Variants in CLCN3 observed in about 807,000 individuals in gnomAD.
CLCN3 encodes the protein Cl-/H+ antiporter 3.
A neutral mutation model predicts 83.4 loss-of-function variants in CLCN3; 16 were observed. The ratio of observed to expected loss-of-function variants is 0.19; its 90% CI spans 0.13 to 0.29. CLCN3 has a LOEUF of 0.29. Ranked by LOEUF, CLCN3 falls within the 10% of genes least tolerant of loss-of-function variation. The pLI is 1.00. For synonymous variants in CLCN3, 322 were observed against 346.2 expected (o/e 0.93, Z 0.78); for missense variants, 544 against 1,006.0 (o/e 0.54, Z 6.21).
chr4:169,668,043 A>ATTTTTTTTTTTTTTTTTTTTTTT (rs60739106), intron 2 of CLCN3, among the ~76,000 whole-genome samples: 1 of 82,338 alleles, frequency 1.2e-5, no homozygotes, highest in African/African-American at 4.7e-5. Context: ...CCGGCCAGAC[A>ATTTTTTTTTTTTTTTTTTTTTTT]TTTTTTTTTT....
In CLCN3 at chr4:169,689,039, A is replaced by T. The variant is rs1732265539; in HGVS notation, c.419-4A>T. On this transcript the variant is annotated splice_polypyrimidine_tract_variant and splice_region_variant and intron_variant, in intron 4 of 12. Transcript: ENST00000513761. ...TTTTTACCATCTCCAACATGTTTTT[A>T]TAGGGGCACTGGCCGGATTAATAGA... The T allele has an allele frequency of 6.2e-7, 1 of 1,603,396 alleles. No individual in the cohort carries two copies. The highest frequency in any genetic ancestry group is 8.5e-7 in the Non-Finnish European group (1 of 1,177,082).
intron 1 of CLCN3, among the ~76,000 whole-genome samples, chr4:169,624,520 C>T (rs1773183978): frequency 6.6e-6 from 1 of 152,222 alleles, no homozygotes; most frequent in South Asian, 2.1e-4. Context: ...CTGCCCACCT[C>T]GGCATCCCAA....
chr4:169,687,296 C>A (rs1484275493), intron 3 of CLCN3, among the ~76,000 whole-genome samples: 1 of 152,106 alleles, frequency 6.6e-6, no homozygotes, highest in Admixed American at 6.6e-5. Flanking sequence ...AAATGCAGAT[C>A]TTGGCTGGGC....
chr4:169,710,396 G>C (rs1051740511), intron 11 of CLCN3, among the ~76,000 whole-genome samples: 1 of 152,118 alleles, frequency 6.6e-6, no homozygotes, highest in Non-Finnish European at 1.5e-5. Flanking sequence ...CTCCTAATTA[G>C]CTAGGACTAC....
At chr4:169,717,714 C>T in intron 12 of CLCN3, 2 of 887,560 alleles carry the variant, frequency 2.3e-6, no homozygotes, top group Middle Eastern at 2.2e-4. Flanking sequence ...TATTTTTTCT[C>T]TCATTCTTTA....
intron 3 of CLCN3, among the ~76,000 whole-genome samples, chr4:169,684,073 G>A (rs985745089): frequency 1.3e-5 from 2 of 152,154 alleles, no homozygotes; most frequent in Admixed American, 1.3e-4. Context: ...TTCTATGTCA[G>A]TGCATATACC....
intron 2 of CLCN3, among the ~76,000 whole-genome samples, chr4:169,664,079 G>T (rs1731161609): frequency 6.6e-6 from 1 of 152,216 alleles, no homozygotes; most frequent in African/African-American, 2.4e-5. Flanking sequence ...TGCGATAACA[G>T]GAGGAAATGC....
At chr4:169,657,487 A>G (rs1467005588) in intron 2 of CLCN3, among the ~76,000 whole-genome samples, 2 of 152,172 alleles carry the variant, frequency 1.3e-5, no homozygotes, top group East Asian at 3.8e-4. Context: ...ATTGTTTAAA[A>G]TTTATTTTTA....
chr4:169,629,043 A>G (rs77640939), intron 1 of CLCN3, among the ~76,000 whole-genome samples: 2,132 of 152,308 alleles, frequency 0.014, 38 homozygotes, highest in African/African-American at 0.048. Flanking sequence ...GTTAATCCCC[A>G]TATCATATCA....
chr4:169,653,793 G>A (rs1638618088), intron 2 of CLCN3, among the ~76,000 whole-genome samples: 1 of 152,122 alleles, frequency 6.6e-6, no homozygotes, highest in Non-Finnish European at 1.5e-5. Flanking sequence ...CATGGTGAGA[G>A]AGGCAGCATG....
intron 2 of CLCN3, among the ~76,000 whole-genome samples, chr4:169,654,513 T>C (rs537725416): frequency 1.3e-5 from 2 of 152,288 alleles, no homozygotes; most frequent in South Asian, 2.1e-4. Context: ...TTTAAAGCTA[T>C]AAATTTTTTT....
intron 2 of CLCN3, among the ~76,000 whole-genome samples, chr4:169,673,519 GC>G: frequency 6.6e-6 from 1 of 151,762 alleles, no homozygotes. Flanking sequence ...TTTAAGTGGG[GC>G]TAGCGATGTA....
chr4:169,687,258 T>G (rs1732197612), intron 3 of CLCN3, among the ~76,000 whole-genome samples: 3 of 152,114 alleles, frequency 2.0e-5, no homozygotes. Flanking sequence ...TGTGGACCCT[T>G]TGCACTCAAA....
At chr4:169,700,933 T>C (rs1158571858) in intron 9 of CLCN3, among the ~76,000 whole-genome samples, 1 of 152,214 alleles carries the variant, frequency 6.6e-6, no homozygotes, top group Non-Finnish European at 1.5e-5. Context: ...TGTAGGGTCT[T>C]GCCTTGATAT....
chr4:169,684,208 G>T (rs1227113084), intron 3 of CLCN3, among the ~76,000 whole-genome samples: 2 of 152,088 alleles, frequency 1.3e-5, no homozygotes, highest in Non-Finnish European at 2.9e-5. Flanking sequence ...TTACAAAATG[G>T]TTGCAGTTTA....
intron 4 of CLCN3, among the ~76,000 whole-genome samples, chr4:169,688,384 G>A (rs1313803169): frequency 1.3e-5 from 2 of 152,192 alleles, no homozygotes; most frequent in East Asian, 3.8e-4. Flanking sequence ...ATTAAGCACT[G>A]TTATAATCAC....
intron 1 of CLCN3, among the ~76,000 whole-genome samples, chr4:169,626,309 C>T (rs529062635): frequency 6.6e-6 from 1 of 152,204 alleles, no homozygotes; most frequent in Non-Finnish European, 1.5e-5. Flanking sequence ...CCAGGAGCCT[C>T]CAATGTTCAG....
intron 3 of CLCN3, among the ~76,000 whole-genome samples, chr4:169,686,758 A>G (rs775170977): frequency 3.3e-5 from 5 of 152,226 alleles, no homozygotes; most frequent in Non-Finnish European, 7.3e-5. Flanking sequence ...ACAACAGAAG[A>G]GAGGTGTTGA....
chr4:169,712,745 C>G (rs1340609779), intron 11 of CLCN3, among the ~76,000 whole-genome samples: 1 of 152,164 alleles, frequency 6.6e-6, no homozygotes, highest in African/African-American at 2.4e-5. Flanking sequence ...AGAATTTGTG[C>G]AGGTTTTAAA....
Sources: allele counts gnomAD v4.1 joint callset (sites outside exome capture counted in the v4.1 genomes callset), GRCh38; gene constraint gnomAD v4.1.1; transcripts MANE v1.5; gene names NCBI Gene and HGNC (gene_info 2026-07-23, HGNC 2026-07-21).